Variants in CIT observed in about 807,000 individuals in gnomAD.
CIT encodes the protein citron Rho-interacting kinase.
In CIT, 79 loss-of-function variants were observed where a neutral mutation model predicts 272.7. The observed-to-expected ratio is 0.29, with a 90% CI of 0.24 to 0.35. The LOEUF (loss-of-function observed/expected upper bound fraction) is 0.35, where lower values mean the gene tolerates loss of function less well. Ranked by LOEUF, CIT falls within the 10% of genes least tolerant of loss-of-function variation. The pLI, the probability that CIT is intolerant of heterozygous loss-of-function variation, is 1.00. For synonymous variants in CIT, 948 were observed against 995.6 expected, an observed-to-expected ratio of 0.95 and a Z score of 0.90; for missense variants, 1,909 against 2,618.3, an observed-to-expected ratio of 0.73 and a Z score of 5.91.
At chr12:119,764,166 A>G (rs1025641017) in intron 19 of CIT, among the ~76,000 whole-genome samples, 1 of 152,234 alleles carries the variant, frequency 6.6e-6, no homozygotes, top group African/African-American at 2.4e-5. Context: ...CAAGGCCTCA[A>G]AGAATTTCCA....
chr12:119,792,127 A>G (rs192490608), intron 10 of CIT, among the ~76,000 whole-genome samples: 1 of 152,334 alleles, frequency 6.6e-6, no homozygotes, highest in African/African-American at 2.4e-5. Flanking sequence ...ATACTCTTTA[A>G]TCACTACTGC....
intron 4 of CIT, among the ~76,000 whole-genome samples, chr12:119,853,209 C>T (rs1406642478): frequency 7.3e-6 from 1 of 136,548 alleles, no homozygotes; most frequent in South Asian, 2.4e-4. Flanking sequence ...CACCTGTAAT[C>T]AATCCCACCT....
Position 119,761,010 on chromosome 12 carries a change from G to A in CIT, c.2350C>T (p.Leu784=). The change falls in exon 20 of 48, where the codon CTG becomes TTG. Residue 784 remains leucine (L), a synonymous_variant. Transcript: ENST00000392521. ...TCGTGTCTCTGCATCATGTTCTCCA[G>A]TGTCTCCTTGTCAGCCAGGTCTTTC... ...IKKDLADKET[L]ENMMQRHEEE... 6.2e-7 allele frequency: 1 copy of A among 1,614,134 alleles called. No homozygotes were observed. Among genetic ancestry groups the A allele is most frequent in the South Asian group, 1.1e-5 (1 of 91,076 alleles).
At chr12:119,734,500 G>A in intron 25 of CIT, 143 bp from the exon 26 acceptor site, 1 of 853,984 alleles carries the variant, frequency 1.2e-6, no homozygotes, top group Non-Finnish European at 1.9e-6. Flanking sequence ...GCAGCCCAAG[G>A]GGACCAGGCA....
In CIT at chr12:119,767,678, T is replaced by A. The variant is rs1319077519; in HGVS notation, c.2209-496A>T. On this transcript the variant is annotated intron_variant, in intron 18 of 47. Transcript: ENST00000392521. ...AATGTTATGATCCAAGCACTTCAAG[T>A]TTTGAATGATGATTTTAACTGACTG... Among the ~76,000 whole-genome samples, 6 of 152,194 alleles carry A rather than the reference T, an allele frequency of 3.9e-5. No individual in the cohort carries two copies. In the East Asian group the frequency reaches 7.7e-4, roughly 19 times the overall value.
intron 10 of CIT, among the ~76,000 whole-genome samples, chr12:119,792,702 C>T (rs2526742): frequency 0.99 from 151,043 of 152,284 alleles, 74,919 homozygotes; most frequent in Middle Eastern, 1. Flanking sequence ...CTCGGTCTCC[C>T]AACCTCATGA....
At position 119,804,084 on chromosome 12, in the gene CIT, A is replaced by G; in HGVS notation, c.1112-695T>C. On this transcript the variant is annotated intron_variant, in intron 9 of 47. Coordinates refer to ENST00000392521, the MANE Select transcript of CIT (RefSeq NM_001206999.2). The surrounding 1 kb of genome is among the most constrained non-coding windows in gnomAD (Gnocchi z 5.3). ...ATCAGCATAATGAAGCACCAGCCAA[A>G]TAAAGTTCCTACCGGTGATCTACAG... 1 of 818,784 alleles carries G rather than the reference A, an allele frequency of 1.2e-6. No homozygotes were observed. The highest frequency in any genetic ancestry group is 5.5e-5 in the South Asian group (1 of 18,048). 50.7% of individuals were successfully genotyped at this position (818,784 alleles called of 1,614,324 possible).
At chr12:119,851,931 G>T (rs937467006) in intron 4 of CIT, among the ~76,000 whole-genome samples, 1 of 152,160 alleles carries the variant, frequency 6.6e-6, no homozygotes. Flanking sequence ...TACTCAGGAG[G>T]CTGTGGCAGG....
In CIT at chr12:119,694,677, G is replaced by A. The variant is rs551936113; in HGVS notation, c.5882+2982C>T. On this transcript the variant is annotated intron_variant, in intron 46 of 47. Transcript: ENST00000392521. This position sits in a 1 kb window ranked among gnomAD's most constrained non-coding sequence, Gnocchi z 4.5. Reference sequence around the variant, plus strand: ...AAATTAGCCAGGTGTGGTGGCGGGCGCCTGTAGTCCCAGCTACTCGGGGGG... The same window carrying A: ...AAATTAGCCAGGTGTGGTGGCGGGCACCTGTAGTCCCAGCTACTCGGGGGG... Among the ~76,000 whole-genome samples the A allele has an allele frequency of 6.6e-5, 10 of 152,034 alleles. No individual in the cohort carries two copies. The East Asian group carries it at 1.5e-3, about 24-fold the overall frequency.
chr12:119,710,634 A>G lies in CIT; in HGVS notation c.4855-14T>C. On this transcript the variant is annotated splice_polypyrimidine_tract_variant and intron_variant, in intron 37 of 47. Coordinates refer to ENST00000392521, the MANE Select transcript of CIT (RefSeq NM_001206999.2). This position sits in a 1 kb window ranked among gnomAD's most constrained non-coding sequence, Gnocchi z 5.6. The stretch of plus-strand genomic sequence containing the variant: ...TCCAAGCAGTTTCTTTTCATAGGTG[A>G]AAGAAAAGAAAAACAGAAGACATCG... 6.2e-7 allele frequency: 1 copy of G among 1,610,700 alleles called. No individual in the cohort carries two copies. Among genetic ancestry groups the G allele is most frequent in the Non-Finnish European group, 8.5e-7 (1 of 1,176,848 alleles).
chr12:119,814,305 C>T (rs1204119364), intron 9 of CIT, among the ~76,000 whole-genome samples: 2 of 152,160 alleles, frequency 1.3e-5, no homozygotes, highest in Non-Finnish European at 2.9e-5. Flanking sequence ...CAATCATTTA[C>T]CTTCTAAAAA....
At position 119,732,425 on chromosome 12, in the gene CIT, G is replaced by C. The variant is rs183987761; in HGVS notation, c.3350+1739C>G. Among the ~76,000 whole-genome samples the C allele has an allele frequency of 3.7e-4, 56 of 152,072 alleles. No homozygotes were observed. The East Asian group carries it at 0.01, about 28-fold the overall frequency. ...AACAGCTAGGATAGGAGCTGGACTT[G>C]AGGGTGGGAGGGAAGGGGTCTGTGG... On this transcript the variant is annotated intron_variant, in intron 26 of 47. Coordinates refer to ENST00000392521, the MANE Select transcript of CIT (RefSeq NM_001206999.2).
intron 9 of CIT, among the ~76,000 whole-genome samples, chr12:119,815,054 A>G (rs1204048700): frequency 4.7e-5 from 7 of 149,708 alleles, no homozygotes; most frequent in Middle Eastern, 3.4e-3. Context: ...AAAAAAAAAA[A>G]GGGCCCAAAA....
At chr12:119,740,985 C>A (rs1169094854) in intron 24 of CIT, among the ~76,000 whole-genome samples, 1 of 152,110 alleles carries the variant, frequency 6.6e-6, no homozygotes, top group Non-Finnish European at 1.5e-5. Context: ...CCTAGTAATT[C>A]TTGGGGATAT....
In CIT at chr12:119,713,745, C is replaced by A; in HGVS notation, c.4307-97G>T. The A allele has an allele frequency of 7.5e-7, 1 of 1,334,038 alleles. No individual in the cohort carries two copies. The highest frequency in any genetic ancestry group is 1.2e-5 in the South Asian group (1 of 81,758). The allele number at this position is 1,334,038 out of a possible 1,614,324, so 82.6% of individuals were successfully genotyped here. A position where few individuals can be genotyped will look rare whatever the true frequency, so the allele number is the denominator to read the frequency against. Reference sequence around the variant, plus strand: ...AACGCCTGGGCTTCTCTACCCCAGCCGGGCCCAGAGAGTCTGGCCCTGGCT... The same window carrying A: ...AACGCCTGGGCTTCTCTACCCCAGCAGGGCCCAGAGAGTCTGGCCCTGGCT... On this transcript the variant is annotated intron_variant, in intron 33 of 47. Coordinates refer to ENST00000392521, the MANE Select transcript of CIT (RefSeq NM_001206999.2). This position sits in a 1 kb window ranked among gnomAD's most constrained non-coding sequence, Gnocchi z 5.2.
intron 23 of CIT, among the ~76,000 whole-genome samples, chr12:119,748,546 C>T (rs1430942170): frequency 2.6e-5 from 4 of 152,206 alleles, no homozygotes; most frequent in Admixed American, 2.0e-4. Flanking sequence ...TGTCACCTTA[C>T]ATGCCCCGAT....
At position 119,876,145 on chromosome 12, in the gene CIT, C is replaced by T. The variant is rs751344210; in HGVS notation, c.24G>A (p.Ala8=). The T allele has an allele frequency of 3.0e-5, 48 of 1,613,600 alleles. No individual in the cohort carries two copies. Among genetic ancestry groups the T allele is most frequent in the Non-Finnish European group, 3.6e-5 (43 of 1,179,806 alleles). The change falls in exon 2 of 48, where the codon GCG becomes GCA. Residue 8 remains alanine, a synonymous_variant. Coordinates refer to ENST00000392521, the MANE Select transcript of CIT (RefSeq NM_001206999.2). ...CAGCACCAGCATCCAAAGGATTCCGCGCTCCATATTTGAACTTCAACATCT... is the reference window on the plus strand; with the variant it reads ...CAGCACCAGCATCCAAAGGATTCCGTGCTCCATATTTGAACTTCAACATCT... MLKFKYG[A]RNPLDAGAAE...
At chr12:119,808,975 A>T (rs1318559666) in intron 9 of CIT, among the ~76,000 whole-genome samples, 1 of 152,258 alleles carries the variant, frequency 6.6e-6, no homozygotes, top group Admixed American at 6.5e-5. Context: ...CAGAGAATAC[A>T]TAAACTGGCT....
chr12:119,749,672 T>C (rs76759108), intron 23 of CIT, among the ~76,000 whole-genome samples: 1 of 152,144 alleles, frequency 6.6e-6, no homozygotes, highest in Non-Finnish European at 1.5e-5. Flanking sequence ...AGCATCTTCA[T>C]CTGCAAAAGC....
Sources: allele counts gnomAD v4.1 joint callset (sites outside exome capture counted in the v4.1 genomes callset), GRCh38; gene constraint gnomAD v4.1.1; non-coding constraint Gnocchi (gnomAD v3.1); transcripts MANE v1.5; gene names NCBI Gene and HGNC (gene_info 2026-07-23, HGNC 2026-07-21).